The following CENPI variants were observed in gnomAD, a reference collection of about 807,000 sequenced individuals.
CENPI encodes centromere protein I, also known as FSH primary response 1.
A neutral mutation model predicts 60.4 loss-of-function variants in CENPI; 4 were observed. The observed-to-expected ratio is 0.07, with a 90% confidence interval of 0.03 to 0.15. The LOEUF is 0.15. CENPI is among the 10% of genes least tolerant of loss of function. The pLI, the probability that CENPI is intolerant of heterozygous loss-of-function variation, is 1.00. For synonymous variants in CENPI, 157 were observed against 189.4 expected, an observed-to-expected ratio of 0.83 and a Z score of 1.40; for missense variants, 444 against 534.5, an observed-to-expected ratio of 0.83 and a Z score of 1.67.
At chrX:101,161,826 A>G (rs1400661663) in intron 21 of CENPI, among the ~76,000 whole-genome samples, 1 of 112,267 alleles carries the variant, frequency 8.9e-6, no homozygotes, top group East Asian at 2.8e-4. Flanking sequence ...GAAATAAAGT[A>G]TGATTTGTTA....
At chrX:101,140,624 T>G (rs1337662857) in intron 15 of CENPI, 42 bp from the exon 16 acceptor site, 3 of 955,217 alleles carry the variant, frequency 3.1e-6, no homozygotes, top group Admixed American at 4.4e-5. Flanking sequence ...CTGTTATGTC[T>G]GAATGATTTC....
chrX:101,105,455 C>T (rs1454879038), intron 4 of CENPI, among the ~76,000 whole-genome samples: 3 of 111,873 alleles, frequency 2.7e-5, no homozygotes, highest in African/African-American at 6.5e-5. Context: ...ACCCAGGAGG[C>T]GGAGCTTGCA....
intron 4 of CENPI, among the ~76,000 whole-genome samples, chrX:101,102,855 ATT>A (rs777790665): frequency 8.6e-5 from 7 of 81,474 alleles, no homozygotes; most frequent in African/African-American, 9.2e-5. Context: ...AATTTTTTGT[ATT>A]TTTTTTTTTT....
chrX:101,137,201 C>A (rs2089856731), intron 15 of CENPI, among the ~76,000 whole-genome samples: 1 of 112,623 alleles, frequency 8.9e-6, no homozygotes, highest in Non-Finnish European at 1.9e-5. Flanking sequence ...GCGCGAGCCA[C>A]TATACCTGGC....
At chrX:101,176,135 A>G in the CENPI span, among the ~76,000 whole-genome samples, 1 of 111,917 alleles carries the variant, frequency 8.9e-6, no homozygotes, top group Non-Finnish European at 1.9e-5. Context: ...TCTTTTATAG[A>G]TGATAGTATT....
chrX:101,172,263 A>G, the CENPI span, among the ~76,000 whole-genome samples: 1 of 111,974 alleles, frequency 8.9e-6, no homozygotes, highest in Non-Finnish European at 1.9e-5. Flanking sequence ...CAAAATTTCA[A>G]ACATAGAGTA....
Position 101,110,123 on chromosome X carries a change from A to G in CENPI, c.591+125A>G, listed in dbSNP as rs184107002. 13 of 378,611 alleles carry G rather than the reference A, an allele frequency of 3.4e-5. No individual in the cohort carries two copies. The East Asian group carries it at 4.2e-4, about 12-fold the overall frequency. The allele number at this position is 378,611 out of a possible 1,213,427, so 31.2% of individuals were successfully genotyped here. ...CTTATTTTAAAAATATATCAAACAT[A>G]TAGAAATGTACCAAGATAACGTAGA... On this transcript the variant is annotated intron_variant, in intron 6 of 21. Coordinates refer to ENST00000682095, the MANE Select transcript of CENPI (RefSeq NM_001386188.2).
chrX:101,143,461 T>C (rs947617732), intron 16 of CENPI, among the ~76,000 whole-genome samples: 1 of 111,697 alleles, frequency 9.0e-6, no homozygotes, highest in Non-Finnish European at 1.9e-5. Flanking sequence ...GCTAGAAGAA[T>C]AAAAGATGCC....
chrX:101,118,638 G>C (rs180675112), intron 6 of CENPI, among the ~76,000 whole-genome samples: 22 of 111,839 alleles, frequency 2.0e-4, no homozygotes, highest in African/African-American at 7.1e-4. Context: ...TGCCAGAAAG[G>C]CAATTGTAAA....
intron 16 of CENPI, among the ~76,000 whole-genome samples, chrX:101,142,240 C>T (rs773104381): frequency 3.7e-4 from 41 of 112,028 alleles, no homozygotes; most frequent in African/African-American, 1.3e-3. Context: ...TCTGTATTAT[C>T]TTTTCAAAAA....
At chrX:101,173,808 C>G in the CENPI span, among the ~76,000 whole-genome samples, 25,883 of 108,898 alleles carry the variant, frequency 0.24, 2,244 homozygotes, top group South Asian at 0.34. Context: ...TATAAAAAAC[C>G]TACCAATCAA....
Position 101,113,239 on chromosome X carries a change from T to C in CENPI, c.591+3241T>C, listed in dbSNP as rs191754538. 2.8e-5 allele frequency among the ~76,000 whole-genome samples: 3 copies of C among 108,297 alleles called. No individual in the cohort carries two copies. In the East Asian group the frequency reaches 8.7e-4, roughly 31 times the overall value. 94.0% of individuals were successfully genotyped at this position (108,297 alleles called of 115,157 possible). ...CATACTGCTCCTGGCTTATATGCTGTTGTTGTCTGGTTTTAGTTTTACCTT... is the reference window on the plus strand; with the variant it reads ...CATACTGCTCCTGGCTTATATGCTGCTGTTGTCTGGTTTTAGTTTTACCTT... On this transcript the variant is annotated intron_variant, in intron 6 of 21. Transcript: ENST00000682095.
chrX:101,101,013 A>G, intron 2 of CENPI, 45 bp from the exon 3 acceptor site: 4 of 922,828 alleles, frequency 4.3e-6, no homozygotes, highest in Non-Finnish European at 4.7e-6. Context: ...AGAAAAAAGG[A>G]CTGTTTGGCT....
At chrX:101,132,634 C>T (rs2089806415) in intron 15 of CENPI, among the ~76,000 whole-genome samples, 178 bp downstream of exon 15, 1 of 111,764 alleles carries the variant, frequency 8.9e-6, no homozygotes, top group South Asian at 3.7e-4. Context: ...TTTTTTAAGG[C>T]TGTGTTGCAT....
At position 101,161,559 on chromosome X, in the gene CENPI, G is replaced by T; in HGVS notation, c.2126G>T (p.Ser709Ile). The change falls in exon 21 of 22, where the codon AGC (serine) becomes ATC (isoleucine). Residue 709 changes from serine (S) to isoleucine (I), a missense_variant. Physicochemically the swap from Ser to Ile is moderately radical, Grantham distance 142 (BLOSUM62 -2). Transcript: ENST00000682095. ...CCAGAAGAAAGGACAGTAAATGTGAGCTCTATTCGGGTAAATAAATTTACT... is the reference window on the plus strand; with the variant it reads ...CCAGAAGAAAGGACAGTAAATGTGATCTCTATTCGGGTAAATAAATTTACT... ...ESPEERTVNV[S>I]SIRGKKWSWY... 2 of 1,204,389 alleles carry T rather than the reference G, an allele frequency of 1.7e-6. No homozygotes were observed. Among genetic ancestry groups the T allele is most frequent in the Non-Finnish European group, 2.2e-6 (2 of 889,214 alleles).
chrX:101,151,852 A>AG (rs1380164409), intron 20 of CENPI, among the ~76,000 whole-genome samples: 1 of 108,816 alleles, frequency 9.2e-6, no homozygotes. Flanking sequence ...AAAAAAAAAA[A>AG]AAAAACAAGA....
chrX:101,148,288 C>A, intron 20 of CENPI, 127 bp downstream of exon 20: 1 of 565,184 alleles, frequency 1.8e-6, no homozygotes. Flanking sequence ...TAAGTAACAA[C>A]TAAATTTTGG....
the CENPI span, among the ~76,000 whole-genome samples, chrX:101,172,331 TCAC>T: frequency 8.9e-6 from 1 of 111,848 alleles, no homozygotes; most frequent in Non-Finnish European, 1.9e-5. Context: ...AAATATGTCT[TCAC>T]AAAAGTTTGA....
the CENPI span, among the ~76,000 whole-genome samples, chrX:101,175,327 T>A: frequency 8.9e-6 from 1 of 111,919 alleles, no homozygotes; most frequent in Non-Finnish European, 1.9e-5. Flanking sequence ...TTTATATAGA[T>A]CTACCACCTA....
Sources: gnomAD v4.1 joint callset for allele counts (sites outside exome capture counted in the v4.1 genomes callset) on GRCh38, gnomAD v4.1.1 for gene constraint, MANE v1.5 for transcripts, NCBI Gene and HGNC (gene_info 2026-07-23, HGNC 2026-07-21) for gene names.